Variants in HEATR4 observed in about 807,000 individuals in gnomAD.
HEATR4 encodes the protein HEAT repeat containing 4, also known as HEAT repeat-containing protein 4.
Under a neutral mutation model 108.8 loss-of-function variants are expected in HEATR4, and 95 were observed. The ratio of observed to expected loss-of-function variants is 0.87; its 90% CI spans 0.74 to 1.04. HEATR4 has a LOEUF of 1.04. Ranked by LOEUF, HEATR4 falls within the 50% of genes least tolerant of loss-of-function variation. The pLI, the probability that HEATR4 is intolerant of heterozygous loss-of-function variation, is 0.00. For synonymous variants in HEATR4, 443 were observed against 459.4 expected (o/e 0.96, Z 0.46); for missense variants, 1,152 against 1,253.8 (o/e 0.92, Z 1.23).
chr14:73,562,830 T>G (rs1454864899), upstream of HEATR4, among the ~76,000 whole-genome samples: 1 of 152,036 alleles, frequency 6.6e-6, no homozygotes, highest in African/African-American at 2.4e-5. Flanking sequence ...CCCCGTTTTC[T>G]GTTGTTTAAG....
chr14:73,592,018 G>T, the HEATR4 span: 1 of 1,438,942 alleles, frequency 6.9e-7, no homozygotes, highest in Non-Finnish European at 9.1e-7. Flanking sequence ...GAGCCGGTGC[G>T]CATTGCCGTG....
the HEATR4 span, among the ~76,000 whole-genome samples, chr14:73,597,912 T>G: frequency 6.6e-6 from 1 of 151,094 alleles, no homozygotes. Flanking sequence ...TTTGTAGAGA[T>G]GGGGTTTCGC....
At chr14:73,511,143 T>C (rs957509201) in intron 7 of HEATR4, among the ~76,000 whole-genome samples, 3 of 152,146 alleles carry the variant, frequency 2.0e-5, no homozygotes, top group Admixed American at 2.0e-4. Context: ...TAGTCTCATT[T>C]TATAGATAGG....
chr14:73,573,521 C>G, the HEATR4 span: 1 of 1,613,650 alleles, frequency 6.2e-7, no homozygotes, highest in East Asian at 2.2e-5. Context: ...AAGACCTCCC[C>G]AAGACCATGG....
chr14:73,496,129 C>G (rs894346162), intron 15 of HEATR4, among the ~76,000 whole-genome samples: 20 of 151,786 alleles, frequency 1.3e-4, no homozygotes, highest in African/African-American at 3.4e-4. Context: ...GACTGTCCCC[C>G]CCTCAAAAAA....
chr14:73,527,897 T>G (rs193046750), intron 2 of HEATR4, among the ~76,000 whole-genome samples: 6 of 143,898 alleles, frequency 4.2e-5, no homozygotes, highest in African/African-American at 1.6e-4. Context: ...GAGAGTTCCT[T>G]GAACCTGACA....
the HEATR4 span, among the ~76,000 whole-genome samples, chr14:73,633,422 T>C: frequency 6.6e-6 from 1 of 152,172 alleles, no homozygotes; most frequent in African/African-American, 2.4e-5. Flanking sequence ...GGGAAGTGTC[T>C]CTCCACCAGT....
chr14:73,488,353 C>T (rs893822546), intron 17 of HEATR4, among the ~76,000 whole-genome samples: 3 of 152,176 alleles, frequency 2.0e-5, no homozygotes, highest in Admixed American at 2.0e-4. Flanking sequence ...TCACTGCGAC[C>T]TCCACTTCCC....
intron 2 of HEATR4, among the ~76,000 whole-genome samples, chr14:73,525,158 T>C (rs918442854): frequency 6.6e-6 from 1 of 152,174 alleles, no homozygotes; most frequent in Non-Finnish European, 1.5e-5. Flanking sequence ...GCCTCCCAAG[T>C]AGCTGGGACT....
the HEATR4 span, among the ~76,000 whole-genome samples, chr14:73,576,288 CTG>C: frequency 2.6e-5 from 4 of 151,962 alleles, no homozygotes; most frequent in African/African-American, 7.2e-5. Flanking sequence ...TGCCTATAAA[CTG>C]ATTACTAGTT....
the HEATR4 span, chr14:73,569,335 G>C: frequency 1.9e-6 from 3 of 1,613,962 alleles, no homozygotes; most frequent in East Asian, 6.7e-5. Context: ...CGAGCGTCCC[G>C]GCTGTACCAA....
chr14:73,500,250 CA>C (rs377153636), intron 12 of HEATR4, among the ~76,000 whole-genome samples: 2 of 149,052 alleles, frequency 1.3e-5, no homozygotes, highest in African/African-American at 4.9e-5. Flanking sequence ...AACAAACAAA[CA>C]AAAAAACCAT....
the HEATR4 span, among the ~76,000 whole-genome samples, chr14:73,567,197 A>G: frequency 6.6e-6 from 1 of 152,080 alleles, no homozygotes; most frequent in Non-Finnish European, 1.5e-5. Flanking sequence ...TCAGCCTCCA[A>G]GTAAACTGGG....
chr14:73,612,857 C>A, the HEATR4 span: 1 of 1,408,844 alleles, frequency 7.1e-7, no homozygotes, highest in Non-Finnish European at 9.5e-7. Flanking sequence ...GCTGGTGAAG[C>A]GCGACGTGCG....
rs149937111 is a variant in HEATR4 at position 73,498,875 on chromosome 14, A to G, written c.2356+196T>C. The stretch of plus-strand genomic sequence containing the variant: ...GCCCTTTCTTTAACTTAAGTTTGAC[A>G]TATACCTAGACTCAGGATCTTTCAC... On this transcript the variant is annotated intron_variant, in intron 13 of 17. Coordinates refer to ENST00000553558, the MANE Select transcript of HEATR4 (RefSeq NM_001220484.1). Among the ~76,000 whole-genome samples the G allele has an allele frequency of 8.8e-3, 1,343 of 152,348 alleles. 11 individuals are homozygous for G. Among genetic ancestry groups the G allele is most frequent in the Middle Eastern group, 0.041 (12 of 294 alleles).
chr14:73,491,258 G>T (rs775015711), intron 17 of HEATR4: 1 of 1,578,508 alleles, frequency 6.3e-7, no homozygotes, highest in Admixed American at 1.8e-5. Context: ...CGCGCTACCC[G>T]GTGGGGCGGC....
At chr14:73,499,049 T>G (rs1419764458) in intron 13 of HEATR4, 22 bp downstream of exon 13, 1 of 1,604,600 alleles carries the variant, frequency 6.2e-7, no homozygotes, top group East Asian at 2.2e-5. Flanking sequence ...TTGAAGAGTT[T>G]GGGGCACTAC....
At chr14:73,595,013 T>C in the HEATR4 span, 1 of 1,607,226 alleles carries the variant, frequency 6.2e-7, no homozygotes, top group East Asian at 2.2e-5. Flanking sequence ...TCTGGATAAG[T>C]TATTGACTCA....
chr14:73,492,943 G>T lies in HEATR4; in HGVS notation c.2844+123C>A, dbSNP rs1451928199. ...CTAAGATGCCTCTAGCCCTAAATTA[G>T]TTTCTTGTTGATTGCTGGAAACAAG... On this transcript the variant is annotated intron_variant, in intron 17 of 17. Transcript: ENST00000553558. The surrounding 1 kb of genome is among the most constrained non-coding windows in gnomAD (Gnocchi z 4.9). 6.2e-7 allele frequency: 1 copy of T among 1,609,166 alleles called. No individual in the cohort carries two copies. The highest frequency in any genetic ancestry group is 1.7e-5 in the Admixed American group (1 of 59,538).
Sources: gnomAD v4.1 joint callset for allele counts (sites outside exome capture counted in the v4.1 genomes callset) on GRCh38, gnomAD v4.1.1 for gene constraint, Gnocchi (gnomAD v3.1) non-coding constraint, MANE v1.5 for transcripts, NCBI Gene and HGNC (gene_info 2026-07-23, HGNC 2026-07-21) for gene names.